HNRNPU: variants seen among roughly 807,000 people sequenced by gnomAD.
HNRNPU encodes HNRNPU antisense RNA 1.
A neutral mutation model predicts 94.7 loss-of-function variants in HNRNPU; 5 were observed. That is an observed-to-expected ratio of 0.05 (90% CI 0.03 to 0.11). The LOEUF is 0.11. Among genes scored for constraint, HNRNPU ranks in the 10% least tolerant of loss-of-function variants. The pLI is 1.00. For missense variants in HNRNPU, 710 were observed against 1,049.2 expected, an observed-to-expected ratio of 0.68 and a Z score of 4.47; for synonymous variants, 434 against 381.6, an observed-to-expected ratio of 1.14 and a Z score of -1.60.
At chr1:244,863,395 G>GACACACACAC (rs1177980110) in intron 1 of HNRNPU, among the ~76,000 whole-genome samples, 7 of 138,656 alleles carry the variant, frequency 5.0e-5, no homozygotes, top group African/African-American at 1.1e-4. Flanking sequence ...TGCCACCGCC[G>GACACACACAC]ACACACACAC....
In HNRNPU at chr1:244,854,337, C is replaced by T; in HGVS notation, c.*113G>A. On this transcript the variant is annotated 3_prime_UTR_variant, in exon 14 of 14. Transcript: ENST00000640218. ...ACCCACAAAGCTTCTAAAAAAGGAACCCGCAGGCACTTCCTCTTGTGGAAT... is the reference window on the plus strand; with the variant it reads ...ACCCACAAAGCTTCTAAAAAAGGAATCCGCAGGCACTTCCTCTTGTGGAAT... 1.3e-6 allele frequency: 1 copy of T among 748,410 alleles called. No individual in the cohort carries two copies. Among genetic ancestry groups the T allele is most frequent in the South Asian group, 1.6e-5 (1 of 63,720 alleles). The allele number at this position is 748,410 out of a possible 1,614,324, so 46.4% of individuals were successfully genotyped here.
At chr1:244,855,334 G>A (rs144969212) in intron 12 of HNRNPU, 90 bp downstream of exon 12, 16 of 1,220,936 alleles carry the variant, frequency 1.3e-5, no homozygotes, top group East Asian at 9.3e-5. Flanking sequence ...TGTTCCTTAC[G>A]GATTACTAAG....
At chr1:244,854,542 A>T in intron 13 of HNRNPU, 39 bp from the exon 14 acceptor site, 1 of 1,303,066 alleles carries the variant, frequency 7.7e-7, no homozygotes, top group Non-Finnish European at 1.1e-6. Context: ...AAAAACATCA[A>T]TAAGCCACTC....
rs1024988560 is a variant in HNRNPU, at chr1:244,855,381, G to A, written c.2352+43C>T. 7.6e-6 allele frequency: 12 copies of A among 1,578,056 alleles called. No homozygotes were observed. The African/African-American group carries it at 1.2e-4, about 16-fold the overall frequency. On this transcript the variant is annotated intron_variant, in intron 12 of 13. Transcript: ENST00000640218. Reference sequence around the variant, plus strand: ...TAAAGCTCACACCTTTCCAGACTAAGCTACAGTTATCAATCATGCTTCCAG... The same window carrying A: ...TAAAGCTCACACCTTTCCAGACTAAACTACAGTTATCAATCATGCTTCCAG...
chr1:244,856,202 G>A (rs753631569), intron 10 of HNRNPU, 44 bp from the exon 11 acceptor site: 21 of 1,555,126 alleles, frequency 1.4e-5, no homozygotes, highest in East Asian at 2.2e-5. Flanking sequence ...AACCCACCAC[G>A]AATCCTCACA....
chr1:244,863,511 C>A (rs1680910499), intron 1 of HNRNPU, 106 bp downstream of exon 1: 1 of 1,247,890 alleles, frequency 8.0e-7, no homozygotes, highest in Non-Finnish European at 1.0e-6. Context: ...CCGCGGCGCC[C>A]TCCCGCCCGG....
At chr1:244,860,815 C>G in intron 3 of HNRNPU, 1 of 296,674 alleles carries the variant, frequency 3.4e-6, no homozygotes, top group Non-Finnish European at 6.2e-6. Flanking sequence ...AGCAGGAAAT[C>G]AAAGTGAAGC....
chr1:244,856,352 G>A lies in HNRNPU; in HGVS notation c.1912+105C>T, dbSNP rs1376033995. 4 of 1,272,252 alleles carry A rather than the reference G, an allele frequency of 3.1e-6. No homozygotes were observed. The African/African-American group carries it at 6.0e-5, about 19-fold the overall frequency. The allele number at this position is 1,272,252 out of a possible 1,614,324, so 78.8% of individuals were successfully genotyped here. A position where few individuals can be genotyped will look rare whatever the true frequency, so the allele number is the denominator to read the frequency against. ...TGGAAAAAATGTTAACTTTCAGGAG[G>A]CCTAAGTCCTAATAGATTTAACATA... is the stretch of plus-strand genomic sequence containing the variant. On this transcript the variant is annotated intron_variant, in intron 10 of 13. Coordinates refer to ENST00000640218, the MANE Select transcript of HNRNPU (RefSeq NM_031844.3).
intron 8 of HNRNPU, 72 bp downstream of exon 8, chr1:244,857,526 C>A: frequency 6.8e-7 from 1 of 1,474,944 alleles, no homozygotes; most frequent in South Asian, 1.2e-5. Context: ...AGATTACAGG[C>A]GTGAACCACC....
rs963143253 is a variant in HNRNPU at position 244,863,041 on chromosome 1, G to A, written c.692-311C>T. The A allele has an allele frequency of 4.3e-5, 14 of 327,156 alleles. 1 individual carries two copies. The highest frequency in any genetic ancestry group is 1.9e-4 in the Admixed American group (4 of 20,528). The allele number at this position is 327,156 out of a possible 1,614,324, so 20.3% of individuals were successfully genotyped here. A position where few individuals can be genotyped will look rare whatever the true frequency, so the allele number is the denominator to read the frequency against. On this transcript the variant is annotated intron_variant, in intron 1 of 13. Coordinates refer to ENST00000640218, the MANE Select transcript of HNRNPU (RefSeq NM_031844.3). ...GAGAGGGGGAGGGGCCGAGCCCGGC[G>A]CGGCGGCGCTCCCCTCCCCCGCGGG... is the stretch of plus-strand genomic sequence containing the variant.
intron 7 of HNRNPU, 122 bp downstream of exon 7, chr1:244,857,889 A>C (rs966569205): frequency 3.1e-6 from 4 of 1,304,816 alleles, no homozygotes; most frequent in African/African-American, 1.5e-5. Flanking sequence ...ACAATTACTT[A>C]AGAGCAATAT....
chr1:244,854,000 T>C lies in HNRNPU; in HGVS notation c.*450A>G, dbSNP rs1451685361. Reference sequence around the variant, plus strand: ...TAATATGAGCAGTACAGAGTCTTAATGCAATTCATGAGGACCACTTAGTCC... The same window carrying C: ...TAATATGAGCAGTACAGAGTCTTAACGCAATTCATGAGGACCACTTAGTCC... On this transcript the variant is annotated 3_prime_UTR_variant, in exon 14 of 14. Transcript: ENST00000640218. 5.2e-6 allele frequency: 1 copy of C among 192,774 alleles called. No homozygotes were observed. The highest frequency in any genetic ancestry group is 2.4e-5 in the African/African-American group (1 of 41,668). 11.9% of individuals were successfully genotyped at this position (192,774 alleles called of 1,614,324 possible).
rs746093508 is a variant in HNRNPU at position 244,855,606 on chromosome 1, G to A, written c.2170C>T (p.Pro724Ser). 2 of 1,613,554 alleles carry A rather than the reference G, an allele frequency of 1.2e-6. No homozygotes were observed. The highest frequency in any genetic ancestry group is 1.7e-5 in the Admixed American group (1 of 59,952). The change falls in exon 12 of 14, where the codon CCT (proline) becomes TCT (serine). Residue 724 changes from proline to serine, a missense_variant and splice_region_variant. Pro to Ser is a moderately conservative substitution (Grantham distance 74). Coordinates refer to ENST00000640218, the MANE Select transcript of HNRNPU (RefSeq NM_031844.3). The stretch of plus-strand genomic sequence containing the variant: ...CTATTATATCCGCCACGATTCCCAG[G>A]GGCTAAAAGACAAGAGCTGTTTTAG... ...MRGGNFRGGA[P>S]GNRGGYNRRG...
intron 1 of HNRNPU, among the ~76,000 whole-genome samples, 195 bp downstream of exon 1, chr1:244,863,422 G>C (rs868053969): frequency 7.8e-6 from 1 of 128,312 alleles, no homozygotes; most frequent in East Asian, 2.5e-4. Flanking sequence ...ACACACACAC[G>C]CGCGCGCGCA....
At position 244,862,509 on chromosome 1, in the gene HNRNPU, C is replaced by G; in HGVS notation, c.829G>C (p.Glu277Gln). 1 of 1,613,370 alleles carries G rather than the reference C, an allele frequency of 6.2e-7. No homozygotes were observed. Among genetic ancestry groups the G allele is most frequent in the Non-Finnish European group, 8.5e-7 (1 of 1,179,754 alleles). Residue 277 changes from glutamate (E) to glutamine (Q), a missense_variant, in exon 3 of 14, where the codon GAA becomes CAA. Coordinates refer to ENST00000640218, the MANE Select transcript of HNRNPU (RefSeq NM_031844.3). ...SRAKSPQPPV[E>Q]EEDEHFDDTV... is the part of the protein sequence containing the mutation. ...TCATCGAAGTGTTCATCTTCTTCTT[C>G]AACAGGTGGCTGAGGAGATTTGGCT...
rs1421144114 is a variant in HNRNPU at position 244,850,530 on chromosome 1, G to A, written c.*3920C>T. On this transcript the variant is annotated 3_prime_UTR_variant, in exon 14 of 14. Transcript: ENST00000640218. Reference sequence around the variant, plus strand: ...GCACTGCAGCGTTAACTAAGTTTTAGGGTAAATTTAGGCAATTAACAATTC... The same window carrying A: ...GCACTGCAGCGTTAACTAAGTTTTAAGGTAAATTTAGGCAATTAACAATTC... 2 of 138,736 alleles carry A rather than the reference G, an allele frequency of 1.4e-5. No individual in the cohort carries two copies. The highest frequency in any genetic ancestry group is 5.3e-5 in the African/African-American group (2 of 37,674). The allele number at this position is 138,736 out of a possible 1,614,324, so 8.6% of individuals were successfully genotyped here. A position where few individuals can be genotyped will look rare whatever the true frequency, so the allele number is the denominator to read the frequency against.
At chr1:244,859,568 A>ATT (rs765783741) in intron 4 of HNRNPU, 194 bp from the exon 5 acceptor site, 1 of 400,862 alleles carries the variant, frequency 2.5e-6, no homozygotes. Context: ...AGAGTTAAAT[A>ATT]CTTATTTGAC....
chr1:244,863,576 G>C, intron 1 of HNRNPU, 41 bp downstream of exon 1: 1 of 1,375,852 alleles, frequency 7.3e-7, no homozygotes, highest in Non-Finnish European at 9.3e-7. Context: ...CCCACCCCGC[G>C]CGGGCCTCCC....
At position 244,862,498 on chromosome 1, in the gene HNRNPU, A is replaced by T. The variant is rs1354008522; in HGVS notation, c.840T>A (p.Asp280Glu). ...KSPQPPVEEE[D>E]EHFDDTVVCL... ...AAACCACTGTGTCATCGAAGTGTTCATCTTCTTCTTCAACAGGTGGCTGAG... is the reference window on the plus strand; with the variant it reads ...AAACCACTGTGTCATCGAAGTGTTCTTCTTCTTCTTCAACAGGTGGCTGAG... Residue 280 changes from aspartate to glutamate, a missense_variant, in exon 3 of 14, where the codon GAT becomes GAA. Asp to Glu is a conservative substitution (Grantham distance 45, BLOSUM62 2). Coordinates refer to ENST00000640218, the MANE Select transcript of HNRNPU (RefSeq NM_031844.3). The T allele has an allele frequency of 3.1e-6, 5 of 1,613,688 alleles. No homozygotes were observed. Among genetic ancestry groups the T allele is most frequent in the East Asian group, 2.2e-5 (1 of 44,878 alleles).
Sources: allele counts gnomAD v4.1 joint callset (sites outside exome capture counted in the v4.1 genomes callset), GRCh38; gene constraint gnomAD v4.1.1; transcripts MANE v1.5; gene names NCBI Gene and HGNC (gene_info 2026-07-23, HGNC 2026-07-21).